The following C1orf141 variants were observed in gnomAD, a reference collection of about 807,000 sequenced individuals.
C1orf141 encodes the protein chromosome 1 open reading frame 141, also known as uncharacterized protein C1orf141.
In C1orf141, 19 loss-of-function variants were observed where a neutral mutation model predicts 23.2. That is an observed-to-expected ratio of 0.82 (90% CI 0.57 to 1.20). The LOEUF (loss-of-function observed/expected upper bound fraction) is 1.20, where lower values mean the gene tolerates loss of function less well. Ranked by LOEUF, C1orf141 falls within the 50% of genes most tolerant of loss-of-function variation. The pLI is 0.00. For missense variants in C1orf141, 469 were observed against 455.1 expected (o/e 1.03, Z -0.28); for synonymous variants, 153 against 154.6 (o/e 0.99, Z 0.08).
intron 4 of C1orf141, chr1:67,123,861 C>T (rs1646350796): frequency 6.6e-6 from 1 of 152,214 alleles, no homozygotes; most frequent in Non-Finnish European, 1.5e-5. Flanking sequence ...TAAAACTTAA[C>T]ATCTATGAAA....
At position 67,114,181 on chromosome 1, in the gene C1orf141, T is replaced by C. The variant is rs1646138600; in HGVS notation, c.346+1171A>G. On this transcript the variant is annotated intron_variant, in intron 5 of 7. Coordinates refer to ENST00000684719, the MANE Select transcript of C1orf141 (RefSeq NM_001276351.2). ...ATCCAAAAGGGTTACAACCTTAGGG[T>C]GAACTAGAATAGTTAAGATTGCCAC... is the stretch of plus-strand genomic sequence containing the variant. Among the ~76,000 whole-genome samples, 5 of 152,138 alleles carry C rather than the reference T, an allele frequency of 3.3e-5. No homozygotes were observed. The South Asian group carries it at 1.0e-3, about 32-fold the overall frequency.
intron 4 of C1orf141, among the ~76,000 whole-genome samples, chr1:67,118,919 C>A (rs1646249535): frequency 6.6e-6 from 1 of 152,190 alleles, no homozygotes; most frequent in East Asian, 1.9e-4. Context: ...AAACAAATTT[C>A]TGTTGTTTAA....
chr1:67,139,647 C>T (rs1329358906), upstream of C1orf141, among the ~76,000 whole-genome samples: 1 of 152,098 alleles, frequency 6.6e-6, no homozygotes, highest in East Asian at 1.9e-4. Context: ...ATATTTGTCC[C>T]CTCCGAAAGT....
Position 67,093,213 on chromosome 1 carries a change from A to T in C1orf141, c.995T>A (p.Leu332His). The change falls in exon 8 of 8, where the codon CTT (leucine) becomes CAT (histidine). Residue 332 changes from leucine to histidine, a missense_variant. This residue lies in a region of C1orf141 where 370 missense variants were observed against 348.1 expected (regional missense o/e 1.06). Coordinates refer to ENST00000684719, the MANE Select transcript of C1orf141 (RefSeq NM_001276351.2). ...CATTTCATGAATAACAGCTTTATCA[A>T]GGTAACCCACAAATTGTTTTGTTAG... ...SSLTKQFVGY[L>H]DKAVIHEMSA... The T allele has an allele frequency of 6.2e-7, 1 of 1,613,924 alleles. No individual in the cohort carries two copies. Among genetic ancestry groups the T allele is most frequent in the Non-Finnish European group, 8.5e-7 (1 of 1,179,836 alleles).
At chr1:67,111,144 C>G (rs1041432737) in intron 5 of C1orf141, among the ~76,000 whole-genome samples, 1 of 151,788 alleles carries the variant, frequency 6.6e-6, no homozygotes, top group African/African-American at 2.4e-5. Context: ...TTCCAAACCT[C>G]TTTCTGGTAG....
upstream of C1orf141, among the ~76,000 whole-genome samples, chr1:67,136,391 A>G (rs1364312305): frequency 1.3e-5 from 2 of 152,146 alleles, no homozygotes; most frequent in African/African-American, 4.8e-5. Context: ...ACATTCAGGA[A>G]CAATGGTTTG....
At chr1:67,113,403 T>C (rs1646121781) in intron 5 of C1orf141, among the ~76,000 whole-genome samples, 1 of 152,026 alleles carries the variant, frequency 6.6e-6, no homozygotes, top group Non-Finnish European at 1.5e-5. Flanking sequence ...TTCACTCTTG[T>C]TGCCCAGGCT....
chr1:67,098,959 A>G (rs904473455), intron 5 of C1orf141, among the ~76,000 whole-genome samples: 16 of 152,198 alleles, frequency 1.1e-4, no homozygotes, highest in Non-Finnish European at 1.8e-4. Flanking sequence ...ATAGAAAGAT[A>G]AATAAAAACC....
chr1:67,093,495 T>C lies in C1orf141; in HGVS notation c.713A>G (p.Tyr238Cys). 1 of 1,607,886 alleles carries C rather than the reference T, an allele frequency of 6.2e-7. No homozygotes were observed. The highest frequency in any genetic ancestry group is 1.7e-5 in the Admixed American group (1 of 59,870). ...AATGAAATTTGTTCTTTTATGTGGG[T>C]AAATGTTTTCATTTTCCAAAGGATG... ...SSHPLENENI[Y>C]PHKRTNFILE... is the part of the protein sequence containing the mutation. The change falls in exon 8 of 8, where the codon TAC becomes TGC. Residue 238 changes from tyrosine (Y) to cysteine (C), a missense_variant. By Grantham distance (194) the Tyr-to-Cys change is radical. Coordinates refer to ENST00000684719, the MANE Select transcript of C1orf141 (RefSeq NM_001276351.2).
intron 2 of C1orf141, among the ~76,000 whole-genome samples, chr1:67,128,842 T>C (rs906247677): frequency 6.6e-6 from 1 of 152,208 alleles, no homozygotes; most frequent in Non-Finnish European, 1.5e-5. Context: ...TTTCAATGAA[T>C]ATTAATGTTA....
At chr1:67,093,713 A>G in intron 7 of C1orf141, 109 bp from the exon 8 acceptor site, 1 of 811,772 alleles carries the variant, frequency 1.2e-6, no homozygotes, top group Non-Finnish European at 1.8e-6. Context: ...AAATGACTAC[A>G]TACAAATATT....
At chr1:67,109,102 C>A (rs890627334) in intron 5 of C1orf141, among the ~76,000 whole-genome samples, 1 of 151,968 alleles carries the variant, frequency 6.6e-6, no homozygotes, top group African/African-American at 2.4e-5. Context: ...CCGAGGCAGG[C>A]GGATCACGAG....
intron 5 of C1orf141, among the ~76,000 whole-genome samples, chr1:67,101,886 A>G (rs1362321011): frequency 6.6e-6 from 1 of 152,098 alleles, no homozygotes; most frequent in East Asian, 1.9e-4. Context: ...CTTTGAGGGA[A>G]CACTTCAGAG....
chr1:67,107,528 T>A (rs781209079), intron 5 of C1orf141, among the ~76,000 whole-genome samples: 1 of 152,132 alleles, frequency 6.6e-6, no homozygotes, highest in Non-Finnish European at 1.5e-5. Flanking sequence ...AGTAAACTGA[T>A]GGAAAAATAT....
At chr1:67,124,697 T>C (rs1341919572) in intron 4 of C1orf141, among the ~76,000 whole-genome samples, 1 of 152,038 alleles carries the variant, frequency 6.6e-6, no homozygotes, top group Non-Finnish European at 1.5e-5. Flanking sequence ...TGTGTGAAAA[T>C]CAAGGTCACA....
rs61782288 is a variant in C1orf141 at position 67,095,373 on chromosome 1, C to G, written c.465G>C (p.Ser155=). Reference sequence around the variant, plus strand: ...ACTTACTTAATTGATAATTTCTGACCGATTTGTTTTCTTTTATATTAAAAT... The same window carrying G: ...ACTTACTTAATTGATAATTTCTGACGGATTTGTTTTCTTTTATATTAAAAT... ...MNDFNIKENK[S]VRNYQLSKYR... Residue 155 remains serine (S), a synonymous_variant, in exon 7 of 8, where the codon TCG becomes TCC. Transcript: ENST00000684719. 2.3e-4 allele frequency: 357 copies of G among 1,565,936 alleles called. No homozygotes were observed. In the Middle Eastern group the frequency reaches 4.6e-3, roughly 20 times the overall value.
Position 67,116,464 on chromosome 1 carries a change from C to G in C1orf141, c.234-1000G>C, listed in dbSNP as rs1646195368. On this transcript the variant is annotated intron_variant, in intron 4 of 7. Coordinates refer to ENST00000684719, the MANE Select transcript of C1orf141 (RefSeq NM_001276351.2). Reference sequence around the variant, plus strand: ...TCTCTAGCCTTCTTCTGTTTGCTCTCCCTGCTATTACACTTGTCCTCAACA... The same window carrying G: ...TCTCTAGCCTTCTTCTGTTTGCTCTGCCTGCTATTACACTTGTCCTCAACA... 2.0e-5 allele frequency among the ~76,000 whole-genome samples: 3 copies of G among 151,866 alleles called. No individual in the cohort carries two copies. The South Asian group carries it at 6.2e-4, about 31-fold the overall frequency.
intron 1 of C1orf141, among the ~76,000 whole-genome samples, chr1:67,140,456 T>C (rs1158199): frequency 0.48 from 73,519 of 151,954 alleles, 18,369 homozygotes; most frequent in South Asian, 0.63. Flanking sequence ...ATTAATTATA[T>C]ATTTGATGTT....
intron 5 of C1orf141, among the ~76,000 whole-genome samples, chr1:67,101,790 A>C (rs1240322138): frequency 6.6e-6 from 1 of 152,118 alleles, no homozygotes; most frequent in East Asian, 1.9e-4. Flanking sequence ...ACTTTGATAA[A>C]AAGGATAAAA....
Sources: gnomAD v4.1 joint callset for allele counts (sites outside exome capture counted in the v4.1 genomes callset) on GRCh38, gnomAD v4.1.1 for gene constraint, gnomAD v4.1.1 regional missense constraint, MANE v1.5 for transcripts, NCBI Gene and HGNC (gene_info 2026-07-23, HGNC 2026-07-21) for gene names.